Variants in GPR19 observed in about 807,000 individuals in gnomAD.
GPR19 encodes the protein G protein-coupled receptor 19.
Under a neutral mutation model 28.5 loss-of-function variants are expected in GPR19, and 14 were observed. The observed-to-expected ratio is 0.49, with a 90% confidence interval of 0.32 to 0.77. GPR19 has a LOEUF of 0.77. Ranked by LOEUF, GPR19 falls within the 30% of genes least tolerant of loss-of-function variation. GPR19 has a pLI of 0.03. For synonymous variants in GPR19, 173 were observed against 184.1 expected, an observed-to-expected ratio of 0.94 and a Z score of 0.49; for missense variants, 409 against 504.1, an observed-to-expected ratio of 0.81 and a Z score of 1.81.
chr12:12,662,597 G>C, intron 3 of GPR19, 127 bp from the exon 4 acceptor site: 2 of 787,468 alleles, frequency 2.5e-6, no homozygotes, highest in Non-Finnish European at 4.0e-6. Flanking sequence ...TGTAGGACTT[G>C]AGCGTTGGCA....
At position 12,663,428 on chromosome 12, in the gene GPR19, C is replaced by CAA. The variant is rs59519930; in HGVS notation, c.-22-960_-22-959dup. ...TGGGCAACATAGCAAGACCCTATCT[C>CAA]AAAAAAAAAAAAAGTAACTTAAAAT... On this transcript the variant is annotated intron_variant, in intron 3 of 3. Transcript: ENST00000651487. Among the ~76,000 whole-genome samples the CAA allele has an allele frequency of 2.4e-3, 348 of 145,740 alleles. 2 individuals carry two copies. Among genetic ancestry groups the CAA allele is most frequent in the East Asian group, 5.9e-3 (30 of 5,062 alleles).
chr12:12,662,124 A>G lies in GPR19; in HGVS notation c.325T>C (p.Cys109Arg), dbSNP rs1158693750. 1 of 1,614,196 alleles carries G rather than the reference A, an allele frequency of 6.2e-7. No homozygotes were observed. Among genetic ancestry groups the G allele is most frequent in the Non-Finnish European group, 8.5e-7 (1 of 1,179,964 alleles). The change falls in exon 4 of 4, where the codon TGT becomes CGT. Residue 109 changes from cysteine (C) to arginine (R), a missense_variant. Cys to Arg is a radical substitution (Grantham distance 180). Transcript: ENST00000651487. ...TTNYFVVSMA[C>R]ADLLISVAST... is the part of the protein sequence containing the mutation. ...GCAACGCTGATGAGAAGGTCAGCAC[A>G]TGCCATGGAGACCACAAAGTAGTTG...
chr12:12,682,519 G>A (rs1337168142), intron 3 of GPR19, among the ~76,000 whole-genome samples: 1 of 152,206 alleles, frequency 6.6e-6, no homozygotes, highest in Non-Finnish European at 1.5e-5. Flanking sequence ...CTGGTGATAA[G>A]TGCTAGAAAT....
At chr12:12,673,852 AT>A (rs1005771615) in intron 3 of GPR19, among the ~76,000 whole-genome samples, 23 of 152,040 alleles carry the variant, frequency 1.5e-4, no homozygotes, top group Admixed American at 7.2e-4. Flanking sequence ...TGAATATGCC[AT>A]TTTTTTTAAC....
Position 12,661,833 on chromosome 12 carries a change from AG to A in GPR19, c.615del (p.Trp206GlyfsTer28). The A allele has an allele frequency of 6.2e-7, 1 of 1,614,196 alleles. No homozygotes were observed. The highest frequency in any genetic ancestry group is 8.5e-7 in the Non-Finnish European group (1 of 1,180,036). On this transcript the variant is annotated frameshift_variant, in exon 4 of 4. Transcript: ENST00000651487. LOFTEE classifies it high-confidence loss of function. The surrounding 1 kb of genome is among the most constrained non-coding windows in gnomAD (Gnocchi z 4.2). ...VTPVLFFYGS[N>X]WDSHCNYFLP... is the part of the protein sequence containing the mutation. ...AGGAAATAGTTACAATGACTGTCCC[AG>A]TTGGAGCCATAGAAAAAGAGCACAG...
chr12:12,665,843 A>G (rs1041328463), intron 3 of GPR19, among the ~76,000 whole-genome samples: 5 of 149,726 alleles, frequency 3.3e-5, no homozygotes, highest in South Asian at 2.1e-4. Context: ...AAAAAAAAAA[A>G]AAAAAGAAAA....
intron 3 of GPR19, among the ~76,000 whole-genome samples, chr12:12,679,276 GA>G (rs1162502404): frequency 6.6e-6 from 1 of 151,908 alleles, no homozygotes; most frequent in Non-Finnish European, 1.5e-5. Flanking sequence ...CTGGTAGGTG[GA>G]AGCCAAGGAT....
At chr12:12,679,076 C>T (rs1036740512) in intron 3 of GPR19, among the ~76,000 whole-genome samples, 2 of 152,184 alleles carry the variant, frequency 1.3e-5, no homozygotes, top group Admixed American at 6.5e-5. Flanking sequence ...GGATTATAGA[C>T]ATGAACCACC....
At chr12:12,715,973 G>A in the GPR19 span, 1 of 152,370 alleles carries the variant, frequency 6.6e-6, no homozygotes, top group South Asian at 2.1e-4. Context: ...AAACTTTGCT[G>A]CTGTGTAATA....
the GPR19 span, chr12:12,715,974 C>T: frequency 6.6e-6 from 1 of 152,246 alleles, no homozygotes; most frequent in African/African-American, 2.4e-5. Context: ...AACTTTGCTG[C>T]TGTGTAATAT....
intron 3 of GPR19, among the ~76,000 whole-genome samples, chr12:12,681,572 T>G (rs1445091458): frequency 1.3e-5 from 2 of 152,190 alleles, no homozygotes; most frequent in African/African-American, 2.4e-5. Context: ...GTGCTAGCCC[T>G]GCTTATCTGA....
intron 2 of GPR19, chr12:12,685,112 CAT>C (rs1189339409): frequency 6.6e-6 from 1 of 152,118 alleles, no homozygotes; most frequent in Non-Finnish European, 1.5e-5. Context: ...TAAACCACAC[CAT>C]ATGTTTAGGG....
chr12:12,662,709 C>T (rs1945698521), intron 3 of GPR19, among the ~76,000 whole-genome samples: 1 of 152,226 alleles, frequency 6.6e-6, no homozygotes, highest in African/African-American at 2.4e-5. Context: ...CTGGCCTCAC[C>T]TTCTCTTGAC....
the GPR19 span, among the ~76,000 whole-genome samples, chr12:12,709,565 G>C: frequency 6.6e-6 from 1 of 152,078 alleles, no homozygotes; most frequent in Non-Finnish European, 1.5e-5. Flanking sequence ...TCCACCTGTC[G>C]TGTAGCTGGG....
the GPR19 span, among the ~76,000 whole-genome samples, chr12:12,714,693 CT>C: frequency 6.6e-6 from 1 of 152,218 alleles, no homozygotes; most frequent in Non-Finnish European, 1.5e-5. Flanking sequence ...AATTTTCCCC[CT>C]GGCTTACTCG....
intron 2 of GPR19, among the ~76,000 whole-genome samples, chr12:12,691,423 C>T (rs989550458): frequency 2.0e-5 from 3 of 152,234 alleles, no homozygotes; most frequent in East Asian, 3.9e-4. Flanking sequence ...GTATTGCCTC[C>T]GTGGCTTAGA....
chr12:12,691,793 C>T (rs547388027), intron 2 of GPR19, among the ~76,000 whole-genome samples: 2 of 152,268 alleles, frequency 1.3e-5, no homozygotes, highest in Admixed American at 6.5e-5. Flanking sequence ...TTTCCACTGT[C>T]CCTTTGAAAA....
At chr12:12,674,076 G>A (rs963892058) in intron 3 of GPR19, among the ~76,000 whole-genome samples, 3 of 151,832 alleles carry the variant, frequency 2.0e-5, no homozygotes, top group Non-Finnish European at 2.9e-5. Flanking sequence ...GCCCAGCATG[G>A]TGGTGAGTGC....
At chr12:12,714,636 G>A in the GPR19 span, among the ~76,000 whole-genome samples, 1 of 151,282 alleles carries the variant, frequency 6.6e-6, no homozygotes, top group African/African-American at 2.4e-5. Context: ...GCAGTGTAGA[G>A]CTTTCCGTCT....
Sources: gnomAD v4.1 joint callset for allele counts (sites outside exome capture counted in the v4.1 genomes callset) on GRCh38, gnomAD v4.1.1 for gene constraint, Gnocchi (gnomAD v3.1) non-coding constraint, MANE v1.5 for transcripts, NCBI Gene and HGNC (gene_info 2026-07-23, HGNC 2026-07-21) for gene names.